Variants in MYO3B observed in about 807,000 individuals in gnomAD.
The protein encoded by MYO3B is myosin-IIIb.
MYO3B carries 156 observed loss-of-function variants against 174.6 expected under a neutral mutation model. The ratio of observed to expected loss-of-function variants is 0.89; its 90% CI spans 0.78 to 1.02. The LOEUF (loss-of-function observed/expected upper bound fraction) is 1.02, where lower values mean the gene tolerates loss of function less well. Ranked by LOEUF, MYO3B falls within the 50% of genes least tolerant of loss-of-function variation. The pLI, the probability that MYO3B is intolerant of heterozygous loss-of-function variation, is 0.00. For synonymous variants in MYO3B, 563 were observed against 569.1 expected, an observed-to-expected ratio of 0.99 and a Z score of 0.15; for missense variants, 1,632 against 1,639.4, an observed-to-expected ratio of 1.00 and a Z score of 0.08.
chr2:170,574,074 C>A (rs1029705211), intron 32 of MYO3B, among the ~76,000 whole-genome samples: 2 of 152,046 alleles, frequency 1.3e-5, no homozygotes, highest in Non-Finnish European at 2.9e-5. Flanking sequence ...AGGCTCCCAC[C>A]CCACACTGCT....
rs182868220 is a variant in MYO3B, at chr2:170,501,692, G to C, written c.3290-93G>C. The stretch of plus-strand genomic sequence containing the variant: ...GAGAAAGCAGGAGGGAGGATGAGAC[G>C]GGCAATAGGCTGGAGGGGAAAACAG... On this transcript the variant is annotated intron_variant, in intron 27 of 34. Transcript: ENST00000408978. 8 of 775,130 alleles carry C rather than the reference G, an allele frequency of 1.0e-5. No individual in the cohort carries two copies. The African/African-American group carries it at 1.2e-4, about 12-fold the overall frequency. The allele number at this position is 775,130 out of a possible 1,614,324, so 48.0% of individuals were successfully genotyped here.
chr2:170,462,962 T>C (rs571850475), intron 23 of MYO3B, among the ~76,000 whole-genome samples: 140 of 152,352 alleles, frequency 9.2e-4, no homozygotes, highest in Non-Finnish European at 1.2e-3. Context: ...GGTGCTGGCC[T>C]AATTCCCTGT....
rs534389950 is a variant in MYO3B, at chr2:170,614,083, G to GCT, written c.3734-37537_3734-37536dup. Reference sequence around the variant, plus strand: ...TTTCATCCCTCTCTTCAATCCTCGTGCTCTCTCTCCCACCTCCCCTACCCC... The same window carrying GCT: ...TTTCATCCCTCTCTTCAATCCTCGTGCTCTCTCTCTCCCACCTCCCCTACCCC... On this transcript the variant is annotated intron_variant, in intron 32 of 34. Coordinates refer to ENST00000408978, the MANE Select transcript of MYO3B (RefSeq NM_138995.5). Among the ~76,000 whole-genome samples, 5 of 151,960 alleles carry GCT rather than the reference G, an allele frequency of 3.3e-5. No homozygotes were observed. In the South Asian group the frequency reaches 8.3e-4, roughly 25 times the overall value.
chr2:170,360,903 T>G (rs74628347), intron 8 of MYO3B, among the ~76,000 whole-genome samples: 11,313 of 152,304 alleles, frequency 0.074, 515 homozygotes, highest in Middle Eastern at 0.11. Context: ...CTTGGAATTC[T>G]CAGCCGTCAG....
In MYO3B at chr2:170,214,717, G is replaced by A; in HGVS notation, c.427-12G>A. The A allele has an allele frequency of 6.2e-7, 1 of 1,609,824 alleles. No individual in the cohort carries two copies. The highest frequency in any genetic ancestry group is 1.7e-4 in the Middle Eastern group (1 of 6,054). ...CTTTCCTGTTGTTTGGTGGTGGTGG[G>A]ATGCCATGCAGGGCCTTCAGCATTT... On this transcript the variant is annotated splice_polypyrimidine_tract_variant and intron_variant, in intron 4 of 34. Transcript: ENST00000408978.
chr2:170,214,987 T>A (rs1201552100), intron 5 of MYO3B, among the ~76,000 whole-genome samples, 159 bp downstream of exon 5: 2 of 152,126 alleles, frequency 1.3e-5, no homozygotes, highest in Non-Finnish European at 2.9e-5. Context: ...TCCAGATGGA[T>A]CACCCTAGGA....
chr2:170,572,317 A>G (rs1316655889), intron 32 of MYO3B, among the ~76,000 whole-genome samples: 1 of 151,720 alleles, frequency 6.6e-6, no homozygotes, highest in African/African-American at 2.4e-5. Flanking sequence ...AATCCCAGCT[A>G]CTCAGGAGGC....
At chr2:170,382,321 A>C (rs2094341989) in intron 10 of MYO3B, 3 of 410,490 alleles carry the variant, frequency 7.3e-6, no homozygotes, top group Admixed American at 3.6e-5. Flanking sequence ...GATGAAGAGA[A>C]AAGGATTTGG....
chr2:170,564,656 A>G (rs1393318641), intron 32 of MYO3B, among the ~76,000 whole-genome samples: 2 of 152,174 alleles, frequency 1.3e-5, no homozygotes, highest in African/African-American at 4.8e-5. Context: ...TATTTGCAAT[A>G]TGTATTGAGA....
rs188734906 is a variant in MYO3B, at chr2:170,277,770, C to T, written c.749+41634C>T. ...AATGCAATCTGTTGAAATCCTACCC[C>T]TCAGTACCACTGTCACCAGTTTGCT... is the stretch of plus-strand genomic sequence containing the variant. On this transcript the variant is annotated intron_variant, in intron 7 of 34. Coordinates refer to ENST00000408978, the MANE Select transcript of MYO3B (RefSeq NM_138995.5). Among the ~76,000 whole-genome samples the T allele has an allele frequency of 2.8e-3, 432 of 152,256 alleles. 1 individual carries two copies. The highest frequency in any genetic ancestry group is 4.7e-3 in the Non-Finnish European group (322 of 68,002).
At chr2:170,371,352 G>A (rs1403713288) in intron 9 of MYO3B, among the ~76,000 whole-genome samples, 2 of 151,470 alleles carry the variant, frequency 1.3e-5, no homozygotes, top group Non-Finnish European at 2.9e-5. Context: ...AGCCTCATGT[G>A]GTGGCAAAGG....
chr2:170,214,859 C>T (rs4667626), intron 5 of MYO3B, 31 bp downstream of exon 5: 1,400,812 of 1,541,534 alleles, frequency 0.91, 637,092 homozygotes, highest in East Asian at 1. Flanking sequence ...GTTTTCTTGA[C>T]GTGTGCAGTT....
intron 7 of MYO3B, among the ~76,000 whole-genome samples, chr2:170,310,602 T>G (rs566611415): frequency 7.4e-6 from 1 of 135,686 alleles, no homozygotes; most frequent in Non-Finnish European, 1.5e-5. Context: ...GAGATGGAGG[T>G]TGGAGTGAGC....
intron 3 of MYO3B, among the ~76,000 whole-genome samples, chr2:170,213,934 A>C (rs2092800320): frequency 6.6e-6 from 1 of 152,160 alleles, no homozygotes; most frequent in African/African-American, 2.4e-5. Flanking sequence ...CTCAGGTATC[A>C]AGGGCATCCA....
intron 7 of MYO3B, among the ~76,000 whole-genome samples, chr2:170,279,201 T>C (rs1168431762): frequency 3.3e-5 from 5 of 152,124 alleles, no homozygotes; most frequent in Non-Finnish European, 7.4e-5. Context: ...TTCTGAGAAA[T>C]CTCTTTACTA....
chr2:170,432,775 C>T (rs2094721609), intron 22 of MYO3B, among the ~76,000 whole-genome samples: 1 of 151,948 alleles, frequency 6.6e-6, no homozygotes, highest in African/African-American at 2.4e-5. Flanking sequence ...CAGGGTTTCA[C>T]CGTGTTAGCC....
At chr2:170,409,329 C>T (rs1412657357) in intron 22 of MYO3B, among the ~76,000 whole-genome samples, 1 of 152,196 alleles carries the variant, frequency 6.6e-6, no homozygotes, top group Admixed American at 6.5e-5. Flanking sequence ...AGATAACCTC[C>T]GCCGCTGCGT....
At position 170,215,618 on chromosome 2, in the gene MYO3B, G is replaced by T. The variant is rs533714177; in HGVS notation, c.526+790G>T. ...CTAAGAAAGAGTTCAGTGTAAACATGTATCAGTTTATCACTTGCTCAGAAG... is the reference window on the plus strand; with the variant it reads ...CTAAGAAAGAGTTCAGTGTAAACATTTATCAGTTTATCACTTGCTCAGAAG... On this transcript the variant is annotated intron_variant, in intron 5 of 34. Transcript: ENST00000408978. Among the ~76,000 whole-genome samples the T allele has an allele frequency of 3.3e-5, 5 of 152,240 alleles. No homozygotes were observed. The South Asian group carries it at 6.2e-4, about 19-fold the overall frequency.
At chr2:170,609,582 C>T (rs888660354) in intron 32 of MYO3B, among the ~76,000 whole-genome samples, 1 of 152,194 alleles carries the variant, frequency 6.6e-6, no homozygotes, top group Non-Finnish European at 1.5e-5. Flanking sequence ...GAAAAAAAAT[C>T]TATCTCAAAC....
Sources: allele counts gnomAD v4.1 joint callset (sites outside exome capture counted in the v4.1 genomes callset), GRCh38; gene constraint gnomAD v4.1.1; transcripts MANE v1.5; gene names NCBI Gene and HGNC (gene_info 2026-07-23, HGNC 2026-07-21).